ZNF423: variants seen among roughly 807,000 people sequenced by gnomAD.
ZNF423 encodes Ebf-associated zinc finger protein.
ZNF423 carries 12 observed loss-of-function variants against 95.8 expected under a neutral mutation model. The ratio of observed to expected loss-of-function variants is 0.13; its 90% CI spans 0.08 to 0.20. The LOEUF is 0.20. Ranked by LOEUF, ZNF423 falls within the 10% of genes least tolerant of loss-of-function variation. The probability of loss-of-function intolerance (pLI) is 1.00; values close to 1 mark genes in which losing one functional copy is unlikely to be tolerated. For missense variants in ZNF423, 1,316 were observed against 1,737.1 expected, an observed-to-expected ratio of 0.76 and a Z score of 4.31; for synonymous variants, 749 against 711.9, an observed-to-expected ratio of 1.05 and a Z score of -0.83.
intron 2 of ZNF423, among the ~76,000 whole-genome samples, chr16:49,737,868 T>C (rs2033325354): frequency 6.6e-6 from 1 of 152,190 alleles, no homozygotes. Flanking sequence ...GAAGGATGCC[T>C]CTTCCTTGCT....
intron 3 of ZNF423, among the ~76,000 whole-genome samples, chr16:49,658,986 A>G (rs2030048078): frequency 6.6e-6 from 1 of 152,154 alleles, no homozygotes; most frequent in South Asian, 2.1e-4. Context: ...TATCAGCCAC[A>G]CTCACCAGAC....
At chr16:49,504,301 C>T (rs937447484) in intron 7 of ZNF423, among the ~76,000 whole-genome samples, 2 of 152,196 alleles carry the variant, frequency 1.3e-5, no homozygotes, top group Non-Finnish European at 2.9e-5. Context: ...CACAGTGGCT[C>T]ACACCTGTAA....
intron 5 of ZNF423, among the ~76,000 whole-genome samples, chr16:49,609,088 G>T (rs1440682336): frequency 6.6e-6 from 1 of 152,098 alleles, no homozygotes; most frequent in Non-Finnish European, 1.5e-5. Context: ...TGGTATAGTG[G>T]AGACCATGTG....
intron 5 of ZNF423, among the ~76,000 whole-genome samples, chr16:49,608,568 C>A (rs1219015611): frequency 2.0e-5 from 3 of 152,180 alleles, no homozygotes; most frequent in Non-Finnish European, 1.5e-5. Flanking sequence ...AGAGAAGAAG[C>A]CAGACCAGCC....
chr16:49,700,927 G>C (rs377335175), intron 3 of ZNF423, among the ~76,000 whole-genome samples: 1 of 152,116 alleles, frequency 6.6e-6, no homozygotes, highest in Admixed American at 6.5e-5. Flanking sequence ...GGAGGGAAGA[G>C]GGAGGAGGGC....
chr16:49,838,795 C>A (rs1442991014), intron 1 of ZNF423, among the ~76,000 whole-genome samples: 1 of 151,774 alleles, frequency 6.6e-6, no homozygotes, highest in Admixed American at 6.6e-5. Flanking sequence ...CCCAGCCGGC[C>A]CCCCGCCGCG....
chr16:49,573,755 CAGAA>C (rs1970416440), intron 5 of ZNF423, among the ~76,000 whole-genome samples: 1 of 152,224 alleles, frequency 6.6e-6, no homozygotes, highest in Admixed American at 6.5e-5. Context: ...CCTCTGCATT[CAGAA>C]AGATAGTCCA....
chr16:49,749,076 C>G (rs185221208), intron 2 of ZNF423, among the ~76,000 whole-genome samples: 1 of 152,250 alleles, frequency 6.6e-6, no homozygotes, highest in East Asian at 1.9e-4. Flanking sequence ...AGGAAGGTGG[C>G]GAAACAGCAT....
intron 1 of ZNF423, among the ~76,000 whole-genome samples, chr16:49,837,467 G>A (rs1270864537): frequency 6.6e-6 from 1 of 152,186 alleles, no homozygotes; most frequent in Non-Finnish European, 1.5e-5. Context: ...GGTCATTTAA[G>A]CACAAGGCCC....
intron 3 of ZNF423, among the ~76,000 whole-genome samples, chr16:49,682,072 C>T (rs1312430356): frequency 6.6e-6 from 1 of 151,862 alleles, no homozygotes; most frequent in African/African-American, 2.4e-5. Context: ...AATTACCCCC[C>T]AGTCTCCTGT....
At chr16:49,616,543 A>G (rs1971881463) in intron 5 of ZNF423, among the ~76,000 whole-genome samples, 1 of 152,224 alleles carries the variant, frequency 6.6e-6, no homozygotes, top group Non-Finnish European at 1.5e-5. Context: ...ATTTTCCCTG[A>G]TGTGATTATT....
chr16:49,832,364 G>A (rs1362481200), intron 1 of ZNF423, among the ~76,000 whole-genome samples: 1 of 152,188 alleles, frequency 6.6e-6, no homozygotes, highest in East Asian at 1.9e-4. Flanking sequence ...GATCTGCTGA[G>A]GAAAAGGCCA....
intron 2 of ZNF423, among the ~76,000 whole-genome samples, chr16:49,734,598 G>A (rs1278212185): frequency 6.6e-6 from 1 of 152,202 alleles, no homozygotes; most frequent in Non-Finnish European, 1.5e-5. Flanking sequence ...GGGGCTGTCT[G>A]CAGCAGCATG....
At chr16:49,775,560 G>A (rs537880032) in intron 2 of ZNF423, among the ~76,000 whole-genome samples, 1 of 152,300 alleles carries the variant, frequency 6.6e-6, no homozygotes, top group East Asian at 1.9e-4. Context: ...TCCTTATAAT[G>A]GTGCCACAAG....
At chr16:49,745,868 G>C (rs1279292409) in intron 2 of ZNF423, among the ~76,000 whole-genome samples, 1 of 152,158 alleles carries the variant, frequency 6.6e-6, no homozygotes, top group Non-Finnish European at 1.5e-5. Context: ...GACTCTCTAT[G>C]GGGAGCCCAC....
intron 1 of ZNF423, among the ~76,000 whole-genome samples, chr16:49,812,179 A>G (rs1245905267): frequency 2.0e-5 from 3 of 152,222 alleles, no homozygotes; most frequent in African/African-American, 7.2e-5. Context: ...AGAGGTTAAG[A>G]CACTTGCTCA....
chr16:49,764,102 T>A (rs937395750), intron 2 of ZNF423, among the ~76,000 whole-genome samples: 1 of 152,192 alleles, frequency 6.6e-6, no homozygotes, highest in Non-Finnish European at 1.5e-5. Context: ...TGTACTTTTC[T>A]CAGGCCAAAG....
chr16:49,729,639 CTATTAT>C (rs34889282), intron 3 of ZNF423, among the ~76,000 whole-genome samples: 4,159 of 138,854 alleles, frequency 0.03, 62 homozygotes, highest in South Asian at 0.036. Context: ...CCTCTTAGGT[CTATTAT>C]TATTATTATT....
chr16:49,690,958 C>T (rs770366477), intron 3 of ZNF423, among the ~76,000 whole-genome samples: 14 of 152,198 alleles, frequency 9.2e-5, no homozygotes, highest in Non-Finnish European at 1.5e-4. Context: ...GCCTGGGGAG[C>T]GTGTGGAGAC....
Sources: allele counts gnomAD v4.1 joint callset (sites outside exome capture counted in the v4.1 genomes callset), GRCh38; gene constraint gnomAD v4.1.1; transcripts MANE v1.5; gene names NCBI Gene and HGNC (gene_info 2026-07-23, HGNC 2026-07-21).